JAK2: variants seen among roughly 807,000 people sequenced by gnomAD.
JAK2 encodes tyrosine-protein kinase JAK2.
A neutral mutation model predicts 139.3 loss-of-function variants in JAK2; 86 were observed. That is an observed-to-expected ratio of 0.62 (90% CI 0.52 to 0.74). The LOEUF (loss-of-function observed/expected upper bound fraction) is 0.74, where lower values mean the gene tolerates loss of function less well. Among genes scored for constraint, JAK2 ranks in the 30% least tolerant of loss-of-function variants. JAK2 has a pLI of 0.00. For missense variants in JAK2, 1,421 were observed against 1,360.3 expected (o/e 1.04, Z -0.70); for synonymous variants, 490 against 437.7 (o/e 1.12, Z -1.49).
intron 4 of JAK2, among the ~76,000 whole-genome samples, chr9:5,042,124 CTTTTTTTTTT>C (rs71326152): frequency 9.3e-6 from 1 of 107,610 alleles, no homozygotes; most frequent in Non-Finnish European, 1.8e-5. Flanking sequence ...GCCAAAATTT[CTTTTTTTTTT>C]TTTTTTTTTT....
At chr9:5,003,406 T>C (rs1018111592) in intron 2 of JAK2, among the ~76,000 whole-genome samples, 7 of 152,044 alleles carry the variant, frequency 4.6e-5, no homozygotes, top group Non-Finnish European at 1.0e-4. Flanking sequence ...AGAAATGTTT[T>C]ACAGTTTTTA....
chr9:5,101,963 C>G (rs985101548), intron 22 of JAK2, among the ~76,000 whole-genome samples: 1 of 152,266 alleles, frequency 6.6e-6, no homozygotes, highest in East Asian at 1.9e-4. Flanking sequence ...AGCAGAAAAG[C>G]TGAAAATTCT....
chr9:5,075,554 C>T (rs1365394940), intron 14 of JAK2, among the ~76,000 whole-genome samples: 1 of 152,208 alleles, frequency 6.6e-6, no homozygotes, highest in Non-Finnish European at 1.5e-5. Flanking sequence ...GATGACAGCA[C>T]ATCTGTTTAT....
intron 8 of JAK2, among the ~76,000 whole-genome samples, chr9:5,058,230 T>C (rs746056876): frequency 8.5e-5 from 13 of 152,184 alleles, no homozygotes; most frequent in Non-Finnish European, 1.8e-4. Context: ...CTCACACTGC[T>C]ATAAAGATAC....
At chr9:5,082,961 G>C (rs143353763) in intron 19 of JAK2, among the ~76,000 whole-genome samples, 231 of 152,276 alleles carry the variant, frequency 1.5e-3, no homozygotes, top group African/African-American at 5.4e-3. Context: ...TTTCTACATA[G>C]ACACAGTAAC....
In JAK2 at chr9:5,128,595, C is replaced by T. The variant is rs1424417938; in HGVS notation, c.*1804C>T. 1.3e-5 allele frequency among the ~76,000 whole-genome samples: 2 copies of T among 151,832 alleles called. No homozygotes were observed. The highest frequency in any genetic ancestry group is 3.0e-5 in the Non-Finnish European group (2 of 67,758). Reference sequence around the variant, plus strand: ...CTTTTTAAAACAAGATGTGAACTAACTTTTCTTAAACATTTTTTTAAATGC... The same window carrying T: ...CTTTTTAAAACAAGATGTGAACTAATTTTTCTTAAACATTTTTTTAAATGC... On this transcript the variant is annotated 3_prime_UTR_variant, in exon 25 of 25. Coordinates refer to ENST00000381652, the MANE Select transcript of JAK2 (RefSeq NM_004972.4).
intron 24 of JAK2, 65 bp downstream of exon 24, chr9:5,126,511 A>C (rs1433572291): frequency 1.7e-6 from 2 of 1,146,622 alleles, no homozygotes; most frequent in Admixed American, 4.0e-5. Flanking sequence ...CAAGGACTTC[A>C]GTTCACTTCC....
chr9:4,998,469 C>G (rs779978483), intron 2 of JAK2, among the ~76,000 whole-genome samples: 4 of 152,068 alleles, frequency 2.6e-5, no homozygotes, highest in Non-Finnish European at 5.9e-5. Flanking sequence ...GTTGGTCAGG[C>G]TGGTCTCGAA....
chr9:5,009,447 T>A (rs1044107159), intron 2 of JAK2, among the ~76,000 whole-genome samples: 4 of 152,202 alleles, frequency 2.6e-5, no homozygotes, highest in Middle Eastern at 3.4e-3. Context: ...TTTTTTTTTT[T>A]AATTTTGTAA....
chr9:5,028,963 C>T (rs1018569219), intron 3 of JAK2, among the ~76,000 whole-genome samples: 1 of 152,242 alleles, frequency 6.6e-6, no homozygotes, highest in Non-Finnish European at 1.5e-5. Flanking sequence ...GTATTTACTG[C>T]AGTCGCATTT....
At chr9:5,061,947 A>C (rs1180512559) in intron 8 of JAK2, among the ~76,000 whole-genome samples, 1 of 152,170 alleles carries the variant, frequency 6.6e-6, no homozygotes, top group Admixed American at 6.6e-5. Context: ...GTCTGAGGGA[A>C]TAGGGAGGCC....
intron 4 of JAK2, among the ~76,000 whole-genome samples, chr9:5,043,016 CG>C (rs1224985365): frequency 6.6e-6 from 1 of 152,194 alleles, no homozygotes. Flanking sequence ...TCGCGCGGCT[CG>C]GCCCCTGGGC....
rs1390897542 is a variant in JAK2 at position 5,072,487 on chromosome 9, T to C, written c.1642-5T>C. 17 of 1,540,172 alleles carry C rather than the reference T, an allele frequency of 1.1e-5. No homozygotes were observed. Among genetic ancestry groups the C allele is most frequent in the Non-Finnish European group, 1.5e-5 (17 of 1,141,088 alleles). ...ATTCTTTTCTTTTACCTTTTTCTCT[T>C]GAAGAATGAAAGCCTTGGCCAAGGC... On this transcript the variant is annotated splice_region_variant and splice_polypyrimidine_tract_variant and intron_variant, in intron 12 of 24. Transcript: ENST00000381652.
chr9:5,022,660 A>G (rs909228099), intron 3 of JAK2, among the ~76,000 whole-genome samples: 2 of 152,154 alleles, frequency 1.3e-5, no homozygotes, highest in Non-Finnish European at 2.9e-5. Flanking sequence ...TTCCTCATAT[A>G]TATTTCTTAT....
At chr9:5,096,155 C>T (rs549208453) in intron 22 of JAK2, among the ~76,000 whole-genome samples, 9 of 152,168 alleles carry the variant, frequency 5.9e-5, no homozygotes, top group East Asian at 5.8e-4. Flanking sequence ...TCCAATAATA[C>T]GAAAATAAAA....
chr9:5,077,519 G>A lies in JAK2; in HGVS notation c.1931G>A (p.Cys644Tyr), dbSNP rs750176634. ...LDTYLKKNKN[C>Y]INILWKLEVA... ...ACATATCTGAAAAAGAATAAAAATT[G>A]TATAAATATATTATGGAAACTTGAA... Residue 644 changes from cysteine to tyrosine, a missense_variant, in exon 15 of 25, where the codon TGT (cysteine) becomes TAT (tyrosine). Coordinates refer to ENST00000381652, the MANE Select transcript of JAK2 (RefSeq NM_004972.4). The A allele has an allele frequency of 4.1e-6, 6 of 1,469,940 alleles. No individual in the cohort carries two copies. The highest frequency in any genetic ancestry group is 1.5e-5 in the African/African-American group (1 of 68,492). The allele number at this position is 1,469,940 out of a possible 1,614,324, so 91.1% of individuals were successfully genotyped here.
At chr9:5,016,943 A>G (rs1178677197) in intron 2 of JAK2, among the ~76,000 whole-genome samples, 2 of 152,248 alleles carry the variant, frequency 1.3e-5, no homozygotes, top group Admixed American at 6.5e-5. Flanking sequence ...AGAATAGAAA[A>G]AAGACATGAA....
At chr9:5,115,788 A>T (rs1823108335) in intron 22 of JAK2, among the ~76,000 whole-genome samples, 1 of 152,192 alleles carries the variant, frequency 6.6e-6, no homozygotes. Flanking sequence ...AGAAACCATA[A>T]TTCTCAGCAA....
chr9:5,005,404 A>G (rs547997137), intron 2 of JAK2, among the ~76,000 whole-genome samples: 131 of 152,078 alleles, frequency 8.6e-4, no homozygotes, highest in Non-Finnish European at 1.5e-3. Flanking sequence ...CTCCTGTTTT[A>G]TAGGTTGTCC....
Sources: gnomAD v4.1 joint callset for allele counts (sites outside exome capture counted in the v4.1 genomes callset) on GRCh38, gnomAD v4.1.1 for gene constraint, MANE v1.5 for transcripts, NCBI Gene and HGNC (gene_info 2026-07-23, HGNC 2026-07-21) for gene names.